ZNF385D: variants seen among roughly 807,000 people sequenced by gnomAD.
ZNF385D encodes zinc finger protein 385D.
In ZNF385D, 15 loss-of-function variants were observed where a neutral mutation model predicts 35.8. The ratio of observed to expected loss-of-function variants is 0.42; its 90% CI spans 0.28 to 0.64. ZNF385D has a LOEUF of 0.64. Among genes scored for constraint, ZNF385D ranks in the 30% least tolerant of loss-of-function variants. The probability of loss-of-function intolerance (pLI) is 0.23; values close to 1 mark genes in which losing one functional copy is unlikely to be tolerated. For missense variants in ZNF385D, 474 were observed against 494.6 expected (o/e 0.96, Z 0.39); for synonymous variants, 212 against 186.8 (o/e 1.13, Z -1.10).
At chr3:21,472,740 GA>G (rs1703984406) in intron 4 of ZNF385D, among the ~76,000 whole-genome samples, 1 of 152,096 alleles carries the variant, frequency 6.6e-6, no homozygotes, top group East Asian at 1.9e-4. Context: ...TTCATATAAG[GA>G]GATGCCTCAT....
intron 2 of ZNF385D, among the ~76,000 whole-genome samples, chr3:21,663,784 A>G (rs2066306103): frequency 6.6e-6 from 1 of 150,552 alleles, no homozygotes; most frequent in Admixed American, 6.6e-5. Flanking sequence ...GGACTAGCAT[A>G]TAGCTGTACT....
At chr3:21,742,274 C>T (rs1198998187) in intron 1 of ZNF385D, among the ~76,000 whole-genome samples, 3 of 152,318 alleles carry the variant, frequency 2.0e-5, no homozygotes, top group African/African-American at 7.2e-5. Flanking sequence ...AAAGTACATA[C>T]TTGAACCAGG....
chr3:21,996,429 T>C (rs1695471776), intron 3 of ZNF385D, among the ~76,000 whole-genome samples: 1 of 152,194 alleles, frequency 6.6e-6, no homozygotes, highest in African/African-American at 2.4e-5. Context: ...TAAATTTCAG[T>C]GTTCTCTCTC....
chr3:21,551,854 C>A (rs1026937608), intron 3 of ZNF385D, among the ~76,000 whole-genome samples: 1 of 151,724 alleles, frequency 6.6e-6, no homozygotes, highest in Non-Finnish European at 1.5e-5. Flanking sequence ...ATAAACTGTA[C>A]TATAAAGGAA....
intron 1 of ZNF385D, among the ~76,000 whole-genome samples, chr3:21,732,162 G>A (rs936954413): frequency 7.5e-5 from 11 of 147,542 alleles, no homozygotes; most frequent in African/African-American, 2.5e-4. Context: ...TGATTCTCCT[G>A]CCTCAGCCTC....
At chr3:21,580,169 G>T (rs2063612175) in intron 2 of ZNF385D, among the ~76,000 whole-genome samples, 1 of 152,242 alleles carries the variant, frequency 6.6e-6, no homozygotes, top group South Asian at 2.1e-4. Flanking sequence ...AAAAGGAAAA[G>T]TTCAAACAAT....
chr3:22,274,574 A>T (rs536776077), intron 2 of ZNF385D, among the ~76,000 whole-genome samples: 1 of 152,004 alleles, frequency 6.6e-6, no homozygotes, highest in African/African-American at 2.4e-5. Flanking sequence ...CCAAGAGTCC[A>T]TTGCAATCAA....
chr3:22,294,448 C>G (rs557010594), intron 2 of ZNF385D, among the ~76,000 whole-genome samples: 1 of 151,906 alleles, frequency 6.6e-6, no homozygotes, highest in East Asian at 1.9e-4. Flanking sequence ...GTGGGTCCAC[C>G]CCCGCATATT....
intron 3 of ZNF385D, among the ~76,000 whole-genome samples, chr3:21,814,792 A>C (rs2073078194): frequency 6.6e-6 from 1 of 152,180 alleles, no homozygotes; most frequent in Non-Finnish European, 1.5e-5. Flanking sequence ...AAAGTTAACA[A>C]GGATATCCAG....
chr3:22,120,859 A>G (rs12493053), intron 3 of ZNF385D, among the ~76,000 whole-genome samples: 34,368 of 152,068 alleles, frequency 0.23, 4,486 homozygotes, highest in East Asian at 0.41. Flanking sequence ...GTATTTTTAA[A>G]TGAGTACAAT....
chr3:21,618,885 C>T (rs1242846634), intron 2 of ZNF385D, among the ~76,000 whole-genome samples: 3 of 152,056 alleles, frequency 2.0e-5, no homozygotes, highest in Non-Finnish European at 2.9e-5. Context: ...CATCTCTGAC[C>T]GTGTGTCACT....
chr3:22,203,781 G>A (rs1696963931), intron 2 of ZNF385D, among the ~76,000 whole-genome samples: 1 of 152,124 alleles, frequency 6.6e-6, no homozygotes, highest in Non-Finnish European at 1.5e-5. Context: ...AAGTGGGAAT[G>A]ACTTTGTCTT....
chr3:21,669,910 T>G (rs2066511315), intron 1 of ZNF385D, among the ~76,000 whole-genome samples: 1 of 152,096 alleles, frequency 6.6e-6, no homozygotes, highest in Non-Finnish European at 1.5e-5. Flanking sequence ...GAGAGTGCGG[T>G]GGTTTTCTCT....
chr3:21,985,032 G>C (rs1380197707), intron 3 of ZNF385D, among the ~76,000 whole-genome samples: 2 of 150,168 alleles, frequency 1.3e-5, no homozygotes, highest in African/African-American at 4.9e-5. Context: ...CTGAGACTTT[G>C]CTGAAGTTGC....
intron 1 of ZNF385D, among the ~76,000 whole-genome samples, chr3:21,676,508 G>C (rs1314428873): frequency 6.6e-6 from 1 of 152,084 alleles, no homozygotes; most frequent in Non-Finnish European, 1.5e-5. Flanking sequence ...AAATGGAAGA[G>C]AAATAAAATG....
intron 2 of ZNF385D, among the ~76,000 whole-genome samples, chr3:22,190,007 G>A (rs145841509): frequency 6.6e-6 from 1 of 152,028 alleles, no homozygotes; most frequent in African/African-American, 2.4e-5. Flanking sequence ...TTGCCCTGAT[G>A]TGTTTGTATT....
chr3:22,332,116 A>T (rs1460308680), intron 2 of ZNF385D, among the ~76,000 whole-genome samples: 1 of 152,210 alleles, frequency 6.6e-6, no homozygotes, highest in East Asian at 1.9e-4. Flanking sequence ...ATTCCTATTC[A>T]CTACTTCTAT....
At chr3:22,247,898 C>T (rs1484341685) in intron 2 of ZNF385D, among the ~76,000 whole-genome samples, 1 of 152,018 alleles carries the variant, frequency 6.6e-6, no homozygotes, top group Non-Finnish European at 1.5e-5. Flanking sequence ...CCACCACGCC[C>T]GGCCTACAAT....
chr3:21,642,421 T>C (rs777623556), intron 2 of ZNF385D, among the ~76,000 whole-genome samples: 1 of 151,954 alleles, frequency 6.6e-6, no homozygotes, highest in Non-Finnish European at 1.5e-5. Context: ...CACTGCCACT[T>C]CACTGGGATT....
Sources: gnomAD v4.1 joint callset for allele counts (sites outside exome capture counted in the v4.1 genomes callset) on GRCh38, gnomAD v4.1.1 for gene constraint, MANE v1.5 for transcripts, NCBI Gene and HGNC (gene_info 2026-07-23, HGNC 2026-07-21) for gene names.